The following SLC26A3 variants were observed in gnomAD, a reference collection of about 807,000 sequenced individuals.
The protein encoded by SLC26A3 is chloride anion exchanger.
Under a neutral mutation model 85.6 loss-of-function variants are expected in SLC26A3, and 64 were observed. The ratio of observed to expected loss-of-function variants is 0.75; its 90% CI spans 0.61 to 0.92. The LOEUF (loss-of-function observed/expected upper bound fraction) is 0.92, where lower values mean the gene tolerates loss of function less well. Ranked by LOEUF, SLC26A3 falls within the 40% of genes least tolerant of loss-of-function variation. The pLI is 0.00. For synonymous variants in SLC26A3, 349 were observed against 336.0 expected (o/e 1.04, Z -0.42); for missense variants, 922 against 927.3 (o/e 0.99, Z 0.07).
intron 1 of SLC26A3, among the ~76,000 whole-genome samples, chr7:107,796,019 C>G (rs922774560): frequency 6.6e-6 from 1 of 152,066 alleles, no homozygotes; most frequent in Non-Finnish European, 1.5e-5. Flanking sequence ...CTTTTGACCA[C>G]AATATACTGC....
chr7:107,794,130 T>A (rs1401971741), intron 2 of SLC26A3, among the ~76,000 whole-genome samples: 1 of 152,270 alleles, frequency 6.6e-6, no homozygotes, highest in African/African-American at 2.4e-5. Context: ...ATATTTCAAA[T>A]GAGAATTTTC....
chr7:107,799,852 T>A (rs1036924446), intron 1 of SLC26A3, among the ~76,000 whole-genome samples: 2 of 152,240 alleles, frequency 1.3e-5, no homozygotes, highest in African/African-American at 4.8e-5. Context: ...AATTTACAAC[T>A]GGTCCACAAA....
intron 11 of SLC26A3, among the ~76,000 whole-genome samples, chr7:107,780,539 C>A (rs1460352431): frequency 2.0e-5 from 3 of 152,096 alleles, no homozygotes; most frequent in African/African-American, 7.2e-5. Context: ...CCGTCCTGTT[C>A]CCCCTGCCAA....
At chr7:107,797,160 C>T (rs963034257) in intron 1 of SLC26A3, among the ~76,000 whole-genome samples, 2 of 152,154 alleles carry the variant, frequency 1.3e-5, no homozygotes, top group Non-Finnish European at 2.9e-5. Context: ...CAAGCACTGC[C>T]TGCAAGGGCC....
Position 107,783,228 on chromosome 7 carries a change from C to T in SLC26A3, c.1096G>A (p.Asp366Asn), listed in dbSNP as rs747100587. ...ACCTGATTGCCATCAAGTGGATAAT[C>T]GTATTTGAGGGAATAGACGCTGGCA... ...SVASVYSLKY[D>N]YPLDGNQELI... Residue 366 changes from aspartate (D) to asparagine (N), a missense_variant, in exon 9 of 21, where the codon GAT becomes AAT. Transcript: ENST00000340010. 1.5e-5 allele frequency: 25 copies of T among 1,614,020 alleles called. No individual in the cohort carries two copies. The highest frequency in any genetic ancestry group is 2.7e-5 in the African/African-American group (2 of 74,910).
chr7:107,791,492 A>G (rs755125465), intron 4 of SLC26A3, among the ~76,000 whole-genome samples: 4 of 152,132 alleles, frequency 2.6e-5, no homozygotes, highest in East Asian at 1.9e-4. Context: ...CATGCCTGTA[A>G]TCCCAGCTAC....
chr7:107,794,202 T>A (rs1794455774), intron 2 of SLC26A3, among the ~76,000 whole-genome samples, 177 bp downstream of exon 2: 1 of 152,188 alleles, frequency 6.6e-6, no homozygotes. Flanking sequence ...CGAGATGGGG[T>A]TCATTTTAGA....
chr7:107,801,304 A>G (rs1794595617), intron 1 of SLC26A3, among the ~76,000 whole-genome samples: 1 of 152,180 alleles, frequency 6.6e-6, no homozygotes, highest in Non-Finnish European at 1.5e-5. Flanking sequence ...CTCAGCCCCT[A>G]CCCCCAAGAG....
rs1258758921 is a variant in SLC26A3 at position 107,796,644 on chromosome 7, A to G, written c.-88-2047T>C. ...GTCTTTTTTTGGCTGATTACCAACA[A>G]CATGGTTGGGGCAATAATAATTAAG... is the stretch of plus-strand genomic sequence containing the variant. On this transcript the variant is annotated intron_variant, in intron 1 of 20. Coordinates refer to ENST00000340010, the MANE Select transcript of SLC26A3 (RefSeq NM_000111.3). Among the ~76,000 whole-genome samples the G allele has an allele frequency of 7.2e-5, 11 of 152,140 alleles. 1 individual carries two copies. The highest frequency in any genetic ancestry group is 7.2e-4 in the Admixed American group (11 of 15,286).
In SLC26A3 at chr7:107,774,787, T is replaced by C; in HGVS notation, c.1763A>G (p.Gln588Arg). ...GGTCAAGGAACTTACTGGTGTCACTTGTAGCAAGCCTTGCTTCTGCAGTTT... is the reference window on the plus strand; with the variant it reads ...GGTCAAGGAACTTACTGGTGTCACTCGTAGCAAGCCTTGCTTCTGCAGTTT... ...IRKLQKQGLL[Q>R]VTPKGFICTV... is the part of the protein sequence containing the mutation. Residue 588 changes from glutamine (Q) to arginine (R), a missense_variant, in exon 16 of 21, where the codon CAA (glutamine) becomes CGA (arginine). Transcript: ENST00000340010. The C allele has an allele frequency of 1.2e-6, 2 of 1,613,690 alleles. No individual in the cohort carries two copies. Among genetic ancestry groups the C allele is most frequent in the South Asian group, 2.2e-5 (2 of 91,078 alleles).
At chr7:107,794,852 A>G (rs943829823) in intron 1 of SLC26A3, among the ~76,000 whole-genome samples, 3 of 152,222 alleles carry the variant, frequency 2.0e-5, no homozygotes, top group Non-Finnish European at 1.5e-5. Context: ...TGAATCAATT[A>G]GTCAATTTTT....
At position 107,765,747 on chromosome 7, in the gene SLC26A3, C is replaced by A; in HGVS notation, c.*108G>T. 1 of 836,678 alleles carries A rather than the reference C, an allele frequency of 1.2e-6. No homozygotes were observed. Among genetic ancestry groups the A allele is most frequent in the South Asian group, 1.5e-5 (1 of 66,652 alleles). The allele number at this position is 836,678 out of a possible 1,614,324, so 51.8% of individuals were successfully genotyped here. On this transcript the variant is annotated 3_prime_UTR_variant, in exon 21 of 21. Transcript: ENST00000340010. The stretch of plus-strand genomic sequence containing the variant: ...CTTGTTCCAAAGTTTGAAACATATT[C>A]TGTCAAAAATACTCTTCGTACAATG...
At chr7:107,788,381 A>G (rs752077942) in intron 6 of SLC26A3, among the ~76,000 whole-genome samples, 5 of 152,146 alleles carry the variant, frequency 3.3e-5, no homozygotes, top group African/African-American at 1.2e-4. Context: ...TCTACTTTGC[A>G]TCCTCTGGAG....
chr7:107,787,603 C>G, intron 6 of SLC26A3, 94 bp from the exon 7 acceptor site: 1 of 1,087,264 alleles, frequency 9.2e-7, no homozygotes, highest in Non-Finnish European at 1.4e-6. Flanking sequence ...AACATGGAAG[C>G]AAAAAGACTG....
intron 1 of SLC26A3, among the ~76,000 whole-genome samples, chr7:107,802,615 C>T (rs1300702118): frequency 1.3e-5 from 2 of 152,028 alleles, no homozygotes; most frequent in Non-Finnish European, 2.9e-5. Context: ...TATCCTCCTG[C>T]TTTAGCCTCT....
At chr7:107,802,655 C>T (rs924395665) in intron 1 of SLC26A3, among the ~76,000 whole-genome samples, 3 of 151,970 alleles carry the variant, frequency 2.0e-5, no homozygotes, top group Middle Eastern at 3.4e-3. Flanking sequence ...ATACATATCC[C>T]TATGCCTGGC....
intron 11 of SLC26A3, 102 bp downstream of exon 11, chr7:107,782,695 A>G: frequency 1.8e-6 from 2 of 1,088,914 alleles, no homozygotes; most frequent in Non-Finnish European, 2.8e-6. Flanking sequence ...AGAGTTTGTC[A>G]TTACCTCATT....
At chr7:107,792,819 A>G (rs1224351177) in intron 3 of SLC26A3, among the ~76,000 whole-genome samples, 3 of 152,258 alleles carry the variant, frequency 2.0e-5, no homozygotes, top group Non-Finnish European at 1.5e-5. Flanking sequence ...ACAGAATAAA[A>G]AAGTTATCTG....
At chr7:107,782,127 T>G (rs1244538052) in intron 11 of SLC26A3, among the ~76,000 whole-genome samples, 1 of 152,216 alleles carries the variant, frequency 6.6e-6, no homozygotes, top group Non-Finnish European at 1.5e-5. Flanking sequence ...CAGGGCTCCA[T>G]GTACCACCTC....
Sources: gnomAD v4.1 joint callset for allele counts (sites outside exome capture counted in the v4.1 genomes callset) on GRCh38, gnomAD v4.1.1 for gene constraint, MANE v1.5 for transcripts, NCBI Gene and HGNC (gene_info 2026-07-23, HGNC 2026-07-21) for gene names.